Variants in ARMCX4 observed in about 807,000 individuals in gnomAD.
ARMCX4 encodes the protein armadillo repeat containing X-linked 4.
ARMCX4 carries 3 observed loss-of-function variants against 34.7 expected under a neutral mutation model. That is an observed-to-expected ratio of 0.09 (90% CI 0.04 to 0.22). The LOEUF (loss-of-function observed/expected upper bound fraction) is 0.22. Ranked by LOEUF, ARMCX4 falls within the 10% of genes least tolerant of loss-of-function variation. The pLI, the probability that ARMCX4 is intolerant of heterozygous loss-of-function variation, is 1.00. For missense variants in ARMCX4, 1,448 were observed against 1,720.8 expected (o/e 0.84, Z 2.81); for synonymous variants, 513 against 632.8 (o/e 0.81, Z 2.84).
chrX:101,469,091 C>T (rs1932846665), intron 4 of ARMCX4, among the ~76,000 whole-genome samples: 1 of 111,934 alleles, frequency 8.9e-6, no homozygotes. Context: ...GCCAGGAAAA[C>T]AGGCAAAGCA....
intron 2 of ARMCX4, among the ~76,000 whole-genome samples, chrX:101,420,580 A>G (rs1253012100): frequency 8.9e-6 from 1 of 111,936 alleles, no homozygotes; most frequent in African/African-American, 3.3e-5. Flanking sequence ...AGCCTATAAA[A>G]TAGGGGTATT....
intron 4 of ARMCX4, among the ~76,000 whole-genome samples, chrX:101,480,157 C>CACACACAG (rs1556005159): frequency 0.026 from 2,739 of 104,614 alleles, 121 homozygotes; most frequent in Admixed American, 0.11. Flanking sequence ...CACACACACA[C>CACACACAG]ACACACACAC....
chrX:101,438,551 C>T (rs143950928), intron 2 of ARMCX4, among the ~76,000 whole-genome samples: 57 of 110,580 alleles, frequency 5.2e-4, no homozygotes, highest in Non-Finnish European at 6.4e-4. Flanking sequence ...GGTGACAGAG[C>T]GAGATTCTGT....
intron 11 of ARMCX4, among the ~76,000 whole-genome samples, chrX:101,524,748 G>C (rs2147719196): frequency 8.9e-6 from 1 of 111,841 alleles, no homozygotes; most frequent in South Asian, 3.8e-4. Context: ...TGGGGGAGGG[G>C]CATCTGCCAT....
chrX:101,426,949 G>A (rs1363837164), intron 2 of ARMCX4, among the ~76,000 whole-genome samples: 1 of 112,013 alleles, frequency 8.9e-6, no homozygotes, highest in Non-Finnish European at 1.9e-5. Context: ...ATGCTTGATG[G>A]TCTGTCCAGT....
At chrX:101,431,163 C>T (rs1929971957) in intron 2 of ARMCX4, among the ~76,000 whole-genome samples, 1 of 111,461 alleles carries the variant, frequency 9.0e-6, no homozygotes, top group African/African-American at 3.3e-5. Flanking sequence ...ACTTTTGGCA[C>T]ATTTTTATTT....
rs1934144831 is a variant in ARMCX4 at position 101,494,889 on chromosome X, G to A, written c.6300G>A (p.Arg2100=). 8.7e-7 allele frequency: 1 copy of A among 1,154,209 alleles called. No individual in the cohort carries two copies. Among genetic ancestry groups the A allele is most frequent in the African/African-American group, 1.8e-5 (1 of 55,722 alleles). Residue 2100 remains arginine (R), a synonymous_variant, in exon 6 of 6, where the codon AGG becomes AGA. Transcript: ENST00000423738. ...TCAATAATCCCTACCCCAGTGTTAGGCAGAAGGCTTTAAATGCACTGAATA... is the reference window on the plus strand; with the variant it reads ...TCAATAATCCCTACCCCAGTGTTAGACAGAAGGCTTTAAATGCACTGAATA... ...SLLNNPYPSV[R]QKALNALNNI...
At chrX:101,488,306 G>A (rs1933839581) in intron 5 of ARMCX4, 138 bp from the exon 6 acceptor site, 1 of 549,832 alleles carries the variant, frequency 1.8e-6, no homozygotes, top group African/African-American at 2.3e-5. Context: ...TGAAATAAGA[G>A]GAATGGAGAG....
At chrX:101,529,654 C>T (rs1935073747) in intron 11 of ARMCX4, among the ~76,000 whole-genome samples, 1 of 111,923 alleles carries the variant, frequency 8.9e-6, no homozygotes, top group African/African-American at 3.2e-5. Flanking sequence ...TCAAACCACC[C>T]CACCAAAAAG....
At chrX:101,483,390 A>G (rs1324502123), upstream of ARMCX4, among the ~76,000 whole-genome samples, 1 of 111,839 alleles carries the variant, frequency 8.9e-6, no homozygotes, top group African/African-American at 3.2e-5. Flanking sequence ...TTGCATCAAT[A>G]TCTGCCTCCA....
At chrX:101,510,422 C>T (rs781872341) in intron 10 of ARMCX4, among the ~76,000 whole-genome samples, 2 of 112,060 alleles carry the variant, frequency 1.8e-5, no homozygotes, top group African/African-American at 3.2e-5. Context: ...AACATTGCTT[C>T]AGTAAATAAT....
chrX:101,511,452 C>T (rs1934579304), intron 11 of ARMCX4, among the ~76,000 whole-genome samples: 1 of 110,220 alleles, frequency 9.1e-6, no homozygotes, highest in Admixed American at 9.7e-5. Context: ...TTATGGCTTT[C>T]TTCTGTTTCA....
chrX:101,446,181 T>G (rs1931611965), downstream of ARMCX4: 1 of 112,362 alleles, frequency 8.9e-6, no homozygotes, highest in Non-Finnish European at 1.9e-5. Context: ...GAAAATGTTT[T>G]TACTTCCTCT....
rs1248525515 is a variant in ARMCX4, at chrX:101,515,445, TCCTTCCTTCCTTCCTTCCTTCCTCCCTC to T, written c.*1780+4394_*1780+4421del. On this transcript the variant is annotated intron_variant and NMD_transcript_variant, in intron 11 of 12. Coordinates refer to the ARMCX4 transcript ENST00000354842. ...TTCCTTCCTTCCTTCCTTCCTTCCT[TCCTTCCTTCCTTCCTTCCTTCCTCCCTC>T]CCTCCCTCCCTCCCTCCCTCTCTCT... Among the ~76,000 whole-genome samples the T allele has an allele frequency of 1.3e-3, 59 of 45,373 alleles. 1 individual carries two copies. Among genetic ancestry groups the T allele is most frequent in the African/African-American group, 5.4e-3 (58 of 10,775 alleles). The allele number at this position is 45,373 out of a possible 115,157, so 39.4% of individuals were successfully genotyped here.
In ARMCX4 at chrX:101,494,603, G is replaced by A. The variant is rs1413029221; in HGVS notation, c.6014G>A (p.Ser2005Asn). The change falls in exon 6 of 6, where the codon AGT becomes AAT. Residue 2005 changes from serine (S) to asparagine (N), a missense_variant. By Grantham distance (46) the Ser-to-Asn change is conservative. Transcript: ENST00000423738. ...IWSETKFAHQ[S>N]EASFPVEDES... ...TCGGAAACTAAGTTTGCACACCAAA[G>A]TGAGGCCAGCTTCCCAGTTGAAGAT... 1 of 1,153,819 alleles carries A rather than the reference G, an allele frequency of 8.7e-7. No individual in the cohort carries two copies. Among genetic ancestry groups the A allele is most frequent in the Non-Finnish European group, 1.1e-6 (1 of 872,516 alleles).
chrX:101,470,564 C>G (rs1281394651), intron 4 of ARMCX4, among the ~76,000 whole-genome samples: 2 of 111,698 alleles, frequency 1.8e-5, no homozygotes, highest in African/African-American at 6.5e-5. Flanking sequence ...AGCAATCTAC[C>G]TGCCTCAGCC....
chrX:101,502,114 G>A (rs1330159002), intron 7 of ARMCX4, among the ~76,000 whole-genome samples: 1 of 112,416 alleles, frequency 8.9e-6, no homozygotes, highest in Admixed American at 9.4e-5. Context: ...ACTACATCCT[G>A]GTAGAGATGA....
upstream of ARMCX4, chrX:101,485,410 A>ACGTGAC (rs1933650985): frequency 1.3e-5 from 5 of 380,777 alleles, no homozygotes; most frequent in African/African-American, 2.8e-5. Context: ...CGCGGTCCTC[A>ACGTGAC]CGTGACCCGG....
In ARMCX4 at chrX:101,494,066, GGGCTGGGGCTGAGGCTGGGGCTGA is replaced by G. The variant is rs782674680; in HGVS notation, c.5489_5512del (p.Glu1830_Ala1837del). 1.0e-6 allele frequency: 1 copy of G among 975,071 alleles called. No homozygotes were observed. Among genetic ancestry groups the G allele is most frequent in the Non-Finnish European group, 1.4e-6 (1 of 738,817 alleles). 80.4% of individuals were successfully genotyped at this position (975,071 alleles called of 1,213,427 possible). Reference sequence around the variant, plus strand: ...GGGGCTGGGGCTGAGGCTGGGGCTGGGGCTGGGGCTGAGGCTGGGGCTGAGGCTGGGGCTGGGGCTGGGGCTGGG... The same window carrying G: ...GGGGCTGGGGCTGAGGCTGGGGCTGGGGCTGGGGCTGGGGCTGGGGCTGGG... On this transcript the variant is annotated inframe_deletion, in exon 6 of 6. Transcript: ENST00000423738.
Sources: allele counts gnomAD v4.1 joint callset (sites outside exome capture counted in the v4.1 genomes callset), GRCh38; gene constraint gnomAD v4.1.1; transcripts MANE v1.5; gene names NCBI Gene and HGNC (gene_info 2026-07-23, HGNC 2026-07-21).